The following TMEM248 variants were observed in gnomAD, a reference collection of about 807,000 sequenced individuals.
The protein encoded by TMEM248 is transmembrane protein 248.
TMEM248 carries 9 observed loss-of-function variants against 30.3 expected under a neutral mutation model. That is an observed-to-expected ratio of 0.30 (90% CI 0.18 to 0.52). The LOEUF is 0.52. Among genes scored for constraint, TMEM248 ranks in the 20% least tolerant of loss-of-function variants. The probability of loss-of-function intolerance (pLI) is 0.97; values close to 1 mark genes in which losing one functional copy is unlikely to be tolerated. For synonymous variants in TMEM248, 184 were observed against 154.4 expected, an observed-to-expected ratio of 1.19 and a Z score of -1.42; for missense variants, 338 against 403.3, an observed-to-expected ratio of 0.84 and a Z score of 1.39.
chr7:66,948,611 C>T lies in TMEM248; in HGVS notation c.513C>T (p.Cys171=), dbSNP rs771601925. ...CTACAGCGTGGAGCTCAGATGACTGCGCCCTCCACGGTCACTGTGAGCAGG... is the reference window on the plus strand; with the variant it reads ...CTACAGCGTGGAGCTCAGATGACTGTGCCCTCCACGGTCACTGTGAGCAGG... ...TLPTAWSSDD[C]ALHGHCEQVV... is the part of the protein sequence containing the mutation. The change falls in exon 4 of 7, where the codon TGC becomes TGT. Residue 171 remains cysteine (C), a synonymous_variant. Transcript: ENST00000341567. 8.7e-6 allele frequency: 14 copies of T among 1,613,994 alleles called. No homozygotes were observed. Among genetic ancestry groups the T allele is most frequent in the East Asian group, 2.2e-5 (1 of 44,894 alleles).
chr7:66,951,905 T>C (rs1389454383), intron 5 of TMEM248, among the ~76,000 whole-genome samples: 2 of 152,010 alleles, frequency 1.3e-5, no homozygotes, highest in Admixed American at 6.6e-5. Flanking sequence ...CAAGCGATCC[T>C]CCTGCCTTGG....
intron 2 of TMEM248, among the ~76,000 whole-genome samples, chr7:66,942,380 T>G (rs1003088084): frequency 6.6e-6 from 1 of 152,272 alleles, no homozygotes; most frequent in Non-Finnish European, 1.5e-5. Context: ...ACTGAACATT[T>G]GGTATTTTAA....
Position 66,957,884 on chromosome 7 carries a change from C to T in TMEM248, c.*2362C>T, listed in dbSNP as rs1188550822. 1 of 152,216 alleles carries T rather than the reference C, an allele frequency of 6.6e-6. No individual in the cohort carries two copies. The highest frequency in any genetic ancestry group is 2.4e-5 in the African/African-American group (1 of 41,456). The allele number at this position is 152,216 out of a possible 1,614,324, so 9.4% of individuals were successfully genotyped here. A position where few individuals can be genotyped will look rare whatever the true frequency, so the allele number is the denominator to read the frequency against. The stretch of plus-strand genomic sequence containing the variant: ...ACACACTTTAAAATCCAACATTCAC[C>T]TAAGCAAGTAATTCTTAAAGATCTT... On this transcript the variant is annotated 3_prime_UTR_variant, in exon 7 of 7. Transcript: ENST00000341567.
chr7:66,957,216 A>ACT lies in TMEM248; in HGVS notation c.*1697_*1698dup, dbSNP rs10623555. 0.42 allele frequency: 63,249 copies of ACT among 151,976 alleles called. 13,615 individuals carry two copies. Among genetic ancestry groups the ACT allele is most frequent in the East Asian group, 0.71 (3,675 of 5,156 alleles). 9.4% of individuals were successfully genotyped at this position (151,976 alleles called of 1,614,324 possible). ...TGACCATGAGTGCTTCCTTTCCTTA[A>ACT]CTCTAGGTTTGTAGTCTGTTTTAAA... is the stretch of plus-strand genomic sequence containing the variant. On this transcript the variant is annotated 3_prime_UTR_variant, in exon 7 of 7. Coordinates refer to ENST00000341567, the MANE Select transcript of TMEM248 (RefSeq NM_017994.5).
Position 66,955,575 on chromosome 7 carries a change from T to G in TMEM248, c.*53T>G. The G allele has an allele frequency of 6.2e-7, 1 of 1,609,568 alleles. No individual in the cohort carries two copies. Among genetic ancestry groups the G allele is most frequent in the Non-Finnish European group, 8.5e-7 (1 of 1,177,086 alleles). ...GACTGAGAGAACCATAATCCTTGCC[T>G]GCTGAACCCAGCCTGGGCCTGGATG... is the stretch of plus-strand genomic sequence containing the variant. On this transcript the variant is annotated 3_prime_UTR_variant, in exon 7 of 7. Transcript: ENST00000341567.
chr7:66,942,016 A>G lies in TMEM248; in HGVS notation c.151A>G (p.Met51Val). The change falls in exon 2 of 7, where the codon ATG becomes GTG. Residue 51 changes from methionine to valine, a missense_variant. Physicochemically the swap from Met to Val is conservative, Grantham distance 21. Coordinates refer to ENST00000341567, the MANE Select transcript of TMEM248 (RefSeq NM_017994.5). ...FKIKEIKSPEMAEDWNTFLLR... is the reference protein window; with the variant it reads ...FKIKEIKSPEVAEDWNTFLLR... ...AATCAAGGAGATTAAATCCCCAGAAATGGCAGAGGTATAGTATGCTCTGAC... is the reference window on the plus strand; with the variant it reads ...AATCAAGGAGATTAAATCCCCAGAAGTGGCAGAGGTATAGTATGCTCTGAC... The G allele has an allele frequency of 1.2e-6, 2 of 1,614,026 alleles. No individual in the cohort carries two copies. Among genetic ancestry groups the G allele is most frequent in the Non-Finnish European group, 1.7e-6 (2 of 1,179,942 alleles).
intron 1 of TMEM248, among the ~76,000 whole-genome samples, chr7:66,925,700 T>TC (rs1562935696): frequency 5.1e-4 from 76 of 148,262 alleles, no homozygotes; most frequent in African/African-American, 1.7e-3. Flanking sequence ...TTTTCTTTTT[T>TC]TTTTTTTTGG....
At chr7:66,947,214 CAAAAAAA>C (rs565294304) in intron 3 of TMEM248, among the ~76,000 whole-genome samples, 1 of 58,818 alleles carries the variant, frequency 1.7e-5, no homozygotes, top group African/African-American at 7.1e-5. Flanking sequence ...GACCCTGTCT[CAAAAAAA>C]AAAAAAAAAA....
intron 6 of TMEM248, among the ~76,000 whole-genome samples, chr7:66,954,108 T>C (rs1792342869): frequency 6.6e-6 from 1 of 151,710 alleles, no homozygotes; most frequent in Non-Finnish European, 1.5e-5. Context: ...CACACTCAGC[T>C]AATTTTTGTA....
At chr7:66,938,119 C>A (rs1791853049) in intron 1 of TMEM248, among the ~76,000 whole-genome samples, 1 of 152,100 alleles carries the variant, frequency 6.6e-6, no homozygotes, top group Admixed American at 6.6e-5. Context: ...ATTCATTCAG[C>A]CACTGTGTCT....
chr7:66,950,309 G>A (rs1183882493), intron 4 of TMEM248, among the ~76,000 whole-genome samples: 1 of 152,124 alleles, frequency 6.6e-6, no homozygotes, highest in African/African-American at 2.4e-5. Context: ...GTCATGGGAG[G>A]GACCCAGTGG....
chr7:66,926,519 T>C (rs1282092474), intron 1 of TMEM248, among the ~76,000 whole-genome samples: 1 of 151,820 alleles, frequency 6.6e-6, no homozygotes, highest in Non-Finnish European at 1.5e-5. Context: ...ACAAGCTACT[T>C]CAGCTACTCA....
At chr7:66,926,756 AT>A (rs145963938) in intron 1 of TMEM248, among the ~76,000 whole-genome samples, 14,584 of 152,220 alleles carry the variant, frequency 0.096, 801 homozygotes, top group Non-Finnish European at 0.11. Context: ...TTTCATTTAG[AT>A]TGATTTCGAA....
rs149893999 is a variant in TMEM248 at position 66,948,356 on chromosome 7, G to A, written c.446-188G>A. 2.0e-3 allele frequency among the ~76,000 whole-genome samples: 312 copies of A among 152,202 alleles called. 1 individual carries two copies. Among genetic ancestry groups the A allele is most frequent in the Middle Eastern group, 3.4e-3 (1 of 294 alleles). The stretch of plus-strand genomic sequence containing the variant: ...AAGTGGCCACTTCCTTCGCTGCTTC[G>A]TGGCTCTGAGTTGAGTAGGACTCAT... On this transcript the variant is annotated intron_variant, in intron 3 of 6. Transcript: ENST00000341567.
At chr7:66,925,242 A>G (rs548145288) in intron 1 of TMEM248, among the ~76,000 whole-genome samples, 1 of 152,112 alleles carries the variant, frequency 6.6e-6, no homozygotes, top group Non-Finnish European at 1.5e-5. Flanking sequence ...GCTGGTCTCA[A>G]ACTCCTGGGC....
chr7:66,941,944 G>A lies in TMEM248; in HGVS notation c.79G>A (p.Val27Ile), dbSNP rs758753584. Residue 27 changes from valine to isoleucine, a missense_variant, in exon 2 of 7, where the codon GTA (valine) becomes ATA (isoleucine). By Grantham distance (29) the Val-to-Ile change is conservative (BLOSUM62 3). Transcript: ENST00000341567. ...RPPLVVFMIS[V>I]SAMAIAFLTL... ...TCCCCTGGTGGTCTTCATGATCAGCGTAAGCGCCATGGCCATAGCTTTCCT... is the reference window on the plus strand; with the variant it reads ...TCCCCTGGTGGTCTTCATGATCAGCATAAGCGCCATGGCCATAGCTTTCCT... The A allele has an allele frequency of 5.6e-6, 9 of 1,614,132 alleles. No individual in the cohort carries two copies. The highest frequency in any genetic ancestry group is 1.7e-5 in the Admixed American group (1 of 59,990).
At chr7:66,949,160 A>C (rs997364290) in intron 4 of TMEM248, among the ~76,000 whole-genome samples, 15 of 151,514 alleles carry the variant, frequency 9.9e-5, no homozygotes, top group African/African-American at 2.2e-4. Flanking sequence ...AAAAAAAGAA[A>C]GAAAAAGAAA....
At chr7:66,938,560 G>A (rs1357578951) in intron 1 of TMEM248, among the ~76,000 whole-genome samples, 1 of 152,192 alleles carries the variant, frequency 6.6e-6, no homozygotes. Context: ...CGAAGCTGAA[G>A]TGCAGTGGTG....
intron 2 of TMEM248, among the ~76,000 whole-genome samples, chr7:66,942,885 G>A (rs1341592014): frequency 1.3e-5 from 2 of 150,374 alleles, no homozygotes; most frequent in Admixed American, 6.7e-5. Context: ...GGTGGGGGTG[G>A]GAGTGGGGCT....
Sources: allele counts gnomAD v4.1 joint callset (sites outside exome capture counted in the v4.1 genomes callset), GRCh38; gene constraint gnomAD v4.1.1; transcripts MANE v1.5; gene names NCBI Gene and HGNC (gene_info 2026-07-23, HGNC 2026-07-21).